GRAMD1C: variants seen among roughly 807,000 people sequenced by gnomAD.
GRAMD1C encodes the protein protein Aster-C.
GRAMD1C carries 89 observed loss-of-function variants against 97.8 expected under a neutral mutation model. The observed-to-expected ratio is 0.91, with a 90% CI of 0.77 to 1.09. GRAMD1C has a LOEUF of 1.09. Ranked by LOEUF, GRAMD1C falls within the 50% of genes least tolerant of loss-of-function variation. GRAMD1C has a pLI of 0.00. For synonymous variants in GRAMD1C, 256 were observed against 267.0 expected (o/e 0.96, Z 0.40); for missense variants, 740 against 766.4 (o/e 0.97, Z 0.41).
chr3:113,872,402 T>TCC (rs1934857986), intron 3 of GRAMD1C, among the ~76,000 whole-genome samples: 1 of 138,952 alleles, frequency 7.2e-6, no homozygotes, highest in Non-Finnish European at 1.5e-5. Context: ...TTTTTTTTTT[T>TCC]TTTTTTTTTT....
chr3:113,888,398 T>C (rs1935592606), intron 6 of GRAMD1C, among the ~76,000 whole-genome samples: 1 of 152,204 alleles, frequency 6.6e-6, no homozygotes, highest in Non-Finnish European at 1.5e-5. Flanking sequence ...GATGAATGAG[T>C]ACTGGAGATC....
intron 2 of GRAMD1C, among the ~76,000 whole-genome samples, chr3:113,851,408 A>G (rs1933897558): frequency 6.6e-6 from 1 of 152,104 alleles, no homozygotes; most frequent in African/African-American, 2.4e-5. Flanking sequence ...TTAAGAATAA[A>G]CAGATTTTCA....
intron 2 of GRAMD1C, among the ~76,000 whole-genome samples, chr3:113,849,750 C>T (rs1933784754): frequency 6.6e-6 from 1 of 152,342 alleles, no homozygotes; most frequent in Non-Finnish European, 1.5e-5. Context: ...CCTTTCCCCC[C>T]TTTCTATTCC....
chr3:113,830,619 A>G (rs1709545492), intron 1 of GRAMD1C, among the ~76,000 whole-genome samples: 1 of 152,214 alleles, frequency 6.6e-6, no homozygotes, highest in South Asian at 2.1e-4. Flanking sequence ...CTGTAACACA[A>G]TGAGAAGTAT....
chr3:113,914,666 G>T (rs948636073), intron 9 of GRAMD1C, among the ~76,000 whole-genome samples: 12 of 151,672 alleles, frequency 7.9e-5, no homozygotes, highest in African/African-American at 2.9e-4. Context: ...ATTATGCCAG[G>T]CTTCTGTTCC....
chr3:113,829,708 G>A (rs1709533526), intron 1 of GRAMD1C, among the ~76,000 whole-genome samples: 1 of 152,080 alleles, frequency 6.6e-6, no homozygotes, highest in African/African-American at 2.4e-5. Context: ...ATTTGGGTGA[G>A]CTAGATCAAA....
At chr3:113,873,176 C>T (rs1934901647) in intron 3 of GRAMD1C, among the ~76,000 whole-genome samples, 1 of 150,264 alleles carries the variant, frequency 6.7e-6, no homozygotes, top group African/African-American at 2.5e-5. Flanking sequence ...ATGAGAATAG[C>T]TTGAACCCAG....
chr3:113,902,435 A>G (rs1408618942), intron 7 of GRAMD1C, among the ~76,000 whole-genome samples: 3 of 152,180 alleles, frequency 2.0e-5, no homozygotes, highest in Admixed American at 1.3e-4. Flanking sequence ...ATTATGGTAA[A>G]CAGGATCTGG....
intron 6 of GRAMD1C, among the ~76,000 whole-genome samples, chr3:113,887,584 C>T (rs1935556334): frequency 7.1e-6 from 1 of 141,268 alleles, no homozygotes; most frequent in South Asian, 2.5e-4. Context: ...ACCTGTAGTC[C>T]CAGCTACTCG....
chr3:113,833,620 G>T (rs192915128), intron 1 of GRAMD1C, among the ~76,000 whole-genome samples: 35 of 152,062 alleles, frequency 2.3e-4, no homozygotes, highest in African/African-American at 8.5e-4. Context: ...CGAGAATAAG[G>T]TCTGTACTGC....
rs761220271 is a variant in GRAMD1C at position 113,938,079 on chromosome 3, T to A, written c.1634-7T>A. 26 of 1,444,384 alleles carry A rather than the reference T, an allele frequency of 1.8e-5. No individual in the cohort carries two copies. The highest frequency in any genetic ancestry group is 2.5e-5 in the Non-Finnish European group (26 of 1,046,744). 89.5% of individuals were successfully genotyped at this position (1,444,384 alleles called of 1,614,324 possible). ...TTCTAATGCAGCCTTTTTCTTGTGATCTACAGGAAAGAAAAAGGAAATGGA... is the reference window on the plus strand; with the variant it reads ...TTCTAATGCAGCCTTTTTCTTGTGAACTACAGGAAAGAAAAAGGAAATGGA... On this transcript the variant is annotated splice_region_variant and splice_polypyrimidine_tract_variant and intron_variant, in intron 14 of 17. Transcript: ENST00000358160.
At chr3:113,846,182 T>C (rs2052969) in intron 2 of GRAMD1C, among the ~76,000 whole-genome samples, 21,073 of 151,886 alleles carry the variant, frequency 0.14, 2,214 homozygotes, top group African/African-American at 0.29. Flanking sequence ...TCTCCAGTCA[T>C]TGCAACCTCT....
At chr3:113,870,974 G>GACACACACACAC (rs550859238) in intron 3 of GRAMD1C, among the ~76,000 whole-genome samples, 48 of 76,272 alleles carry the variant, frequency 6.3e-4, no homozygotes, top group African/African-American at 2.2e-3. Flanking sequence ...ATAAATAAAA[G>GACACACACACAC]ACACACACAC....
At chr3:113,913,405 A>G (rs924161178) in intron 9 of GRAMD1C, among the ~76,000 whole-genome samples, 16 of 143,176 alleles carry the variant, frequency 1.1e-4, no homozygotes, top group Admixed American at 2.3e-4. Context: ...CACGCTTTTA[A>G]TCTCAAGAGT....
intron 10 of GRAMD1C, chr3:113,919,275 A>G: frequency 2.2e-6 from 1 of 445,794 alleles, no homozygotes; most frequent in Non-Finnish European, 4.5e-6. Context: ...ATATGTCTTT[A>G]ATGATGGAGA....
intron 11 of GRAMD1C, among the ~76,000 whole-genome samples, chr3:113,931,039 T>C (rs1577218462): frequency 6.6e-6 from 1 of 152,216 alleles, no homozygotes; most frequent in South Asian, 2.1e-4. Context: ...TGTTAAAAGG[T>C]ATTTATGAGA....
intron 6 of GRAMD1C, among the ~76,000 whole-genome samples, chr3:113,884,561 G>A (rs1327488074): frequency 2.0e-5 from 3 of 152,128 alleles, no homozygotes; most frequent in Non-Finnish European, 2.9e-5. Flanking sequence ...GGCCGGGCGC[G>A]GTGGCTCACA....
chr3:113,841,301 T>TTTTTTTTTCTA (rs56205830), intron 1 of GRAMD1C, among the ~76,000 whole-genome samples: 1 of 145,980 alleles, frequency 6.9e-6, no homozygotes, highest in African/African-American at 2.6e-5. Flanking sequence ...TTTTTTTTTT[T>TTTTTTTTTCTA]GCGAGACAGA....
intron 9 of GRAMD1C, among the ~76,000 whole-genome samples, chr3:113,909,591 TGC>T (rs1936493318): frequency 6.6e-6 from 1 of 152,222 alleles, no homozygotes. Flanking sequence ...ACTTCAATAC[TGC>T]CCAAGTTATT....
Sources: allele counts gnomAD v4.1 joint callset (sites outside exome capture counted in the v4.1 genomes callset), GRCh38; gene constraint gnomAD v4.1.1; transcripts MANE v1.5; gene names NCBI Gene and HGNC (gene_info 2026-07-23, HGNC 2026-07-21).